Variants in PTPRK observed in about 807,000 individuals in gnomAD.
PTPRK encodes the protein protein tyrosine phosphatase receptor type K, also known as receptor-type tyrosine-protein phosphatase kappa.
In PTPRK, 75 loss-of-function variants were observed where a neutral mutation model predicts 178.0. That is an observed-to-expected ratio of 0.42 (90% CI 0.35 to 0.51). The LOEUF (loss-of-function observed/expected upper bound fraction) is 0.51, where lower values mean the gene tolerates loss of function less well. PTPRK is among the 20% of genes least tolerant of loss of function. The probability of loss-of-function intolerance (pLI) is 0.02; values close to 1 mark genes in which losing one functional copy is unlikely to be tolerated. For synonymous variants in PTPRK, 637 were observed against 620.6 expected (o/e 1.03, Z -0.39); for missense variants, 1,441 against 1,797.8 (o/e 0.80, Z 3.59).
At chr6:128,033,777 T>C (rs2114807338) in intron 13 of PTPRK, among the ~76,000 whole-genome samples, 1 of 152,008 alleles carries the variant, frequency 6.6e-6, no homozygotes, top group Admixed American at 6.6e-5. Flanking sequence ...CCTGAGAGAC[T>C]GAGGGGGGAG....
intron 5 of PTPRK, among the ~76,000 whole-genome samples, chr6:128,234,070 T>A (rs1336074941): frequency 1.3e-5 from 2 of 152,230 alleles, no homozygotes; most frequent in African/African-American, 4.8e-5. Flanking sequence ...AGAATACTAA[T>A]GCATAACTTT....
At chr6:128,025,052 T>C (rs1234948680) in intron 13 of PTPRK, among the ~76,000 whole-genome samples, 1 of 152,236 alleles carries the variant, frequency 6.6e-6, no homozygotes, top group Non-Finnish European at 1.5e-5. Flanking sequence ...CTTTGACATA[T>C]GTGGAATAAA....
chr6:128,268,734 C>A (rs1819340548), intron 3 of PTPRK, among the ~76,000 whole-genome samples: 1 of 152,024 alleles, frequency 6.6e-6, no homozygotes, highest in South Asian at 2.1e-4. Context: ...ACCTTTAAAT[C>A]AGTCCTTTAT....
chr6:127,984,421 G>T (rs77635534), intron 22 of PTPRK, among the ~76,000 whole-genome samples: 3,057 of 152,230 alleles, frequency 0.02, 53 homozygotes, highest in African/African-American at 0.043. Flanking sequence ...ATATATAGAA[G>T]TCAATGGGGA....
chr6:127,974,466 C>T (rs1004015755), intron 27 of PTPRK, among the ~76,000 whole-genome samples: 1 of 152,150 alleles, frequency 6.6e-6, no homozygotes, highest in African/African-American at 2.4e-5. Flanking sequence ...GCTTGGTCTT[C>T]TCAATCCCAA....
chr6:127,999,337 G>A (rs555731316), intron 15 of PTPRK, among the ~76,000 whole-genome samples: 2 of 151,950 alleles, frequency 1.3e-5, no homozygotes, highest in Admixed American at 6.6e-5. Flanking sequence ...CCCGATCTAG[G>A]TGACCCATCC....
intron 2 of PTPRK, among the ~76,000 whole-genome samples, chr6:128,366,146 A>C (rs1835446552): frequency 6.6e-6 from 1 of 152,224 alleles, no homozygotes; most frequent in South Asian, 2.1e-4. Context: ...TAAGCACAAA[A>C]ATGAAGCGAG....
intron 3 of PTPRK, among the ~76,000 whole-genome samples, chr6:128,269,623 C>A (rs1819491815): frequency 6.6e-6 from 1 of 151,832 alleles, no homozygotes; most frequent in Non-Finnish European, 1.5e-5. Context: ...GCAGGGTGCC[C>A]TACATTTGGA....
chr6:128,272,645 A>G (rs546056280), intron 3 of PTPRK, among the ~76,000 whole-genome samples: 3 of 152,358 alleles, frequency 2.0e-5, no homozygotes, highest in African/African-American at 7.2e-5. Context: ...AATGCAAATC[A>G]AAACCTCAAT....
intron 1 of PTPRK, among the ~76,000 whole-genome samples, chr6:128,464,645 A>ATATATG (rs1849571131): frequency 1.1e-5 from 1 of 86,990 alleles, no homozygotes; most frequent in African/African-American, 5.6e-5. Flanking sequence ...ACACATATAT[A>ATATATG]TATATATATA....
chr6:128,300,313 G>A (rs191391691), intron 3 of PTPRK, among the ~76,000 whole-genome samples: 1 of 152,156 alleles, frequency 6.6e-6, no homozygotes, highest in Non-Finnish European at 1.5e-5. Flanking sequence ...AGTCAGTGGG[G>A]GGATTCCTCA....
intron 1 of PTPRK, among the ~76,000 whole-genome samples, chr6:128,428,296 A>G (rs1844417410): frequency 6.6e-6 from 1 of 152,334 alleles, no homozygotes; most frequent in Non-Finnish European, 1.5e-5. Flanking sequence ...ATCGCTAAGC[A>G]TCGTACTCCA....
At chr6:128,313,248 T>A (rs1465163241) in intron 3 of PTPRK, among the ~76,000 whole-genome samples, 2 of 152,122 alleles carry the variant, frequency 1.3e-5, no homozygotes, top group Non-Finnish European at 2.9e-5. Context: ...AGTGACCCCA[T>A]AGTGCTATTG....
chr6:128,375,389 C>T (rs1469480600), intron 2 of PTPRK, among the ~76,000 whole-genome samples: 1 of 151,518 alleles, frequency 6.6e-6, no homozygotes, highest in Non-Finnish European at 1.5e-5. Flanking sequence ...AGAGCTTGTG[C>T]AGGGAAACAA....
intron 1 of PTPRK, among the ~76,000 whole-genome samples, chr6:128,515,652 T>G (rs1028178802): frequency 5.9e-5 from 9 of 152,130 alleles, no homozygotes; most frequent in Non-Finnish European, 1.2e-4. Flanking sequence ...CTTCTAAAAA[T>G]TAAGTAAAAG....
chr6:128,409,948 A>T (rs1842113107), intron 1 of PTPRK, among the ~76,000 whole-genome samples: 1 of 152,210 alleles, frequency 6.6e-6, no homozygotes, highest in African/African-American at 2.4e-5. Flanking sequence ...CAGCGTGAAA[A>T]TGGACTAATA....
intron 15 of PTPRK, among the ~76,000 whole-genome samples, chr6:128,004,029 C>A (rs1583599384): frequency 6.6e-6 from 1 of 151,730 alleles, no homozygotes; most frequent in Non-Finnish European, 1.5e-5. Flanking sequence ...AAAAAACTTC[C>A]CTCTTTACAT....
chr6:128,123,074 A>T (rs1792739086), intron 7 of PTPRK, among the ~76,000 whole-genome samples: 2 of 152,314 alleles, frequency 1.3e-5, no homozygotes, highest in African/African-American at 4.8e-5. Context: ...GTGGGCCCTA[A>T]ATTCAATGAT....
chr6:127,981,384 T>C, intron 24 of PTPRK, 95 bp from the exon 25 acceptor site: 1 of 1,137,038 alleles, frequency 8.8e-7, no homozygotes, highest in East Asian at 2.6e-5. Context: ...AAGTAGAAAG[T>C]GAAGGATTTG....
Sources: allele counts gnomAD v4.1 joint callset (sites outside exome capture counted in the v4.1 genomes callset), GRCh38; gene constraint gnomAD v4.1.1; transcripts MANE v1.5; gene names NCBI Gene and HGNC (gene_info 2026-07-23, HGNC 2026-07-21).